LPO: variants seen among roughly 807,000 people sequenced by gnomAD.
LPO encodes the protein salivary peroxidase.
Under a neutral mutation model 68.4 loss-of-function variants are expected in LPO, and 70 were observed. The observed-to-expected ratio is 1.02, with a 90% CI of 0.84 to 1.25. The LOEUF is 1.25. Ranked by LOEUF, LPO falls within the 50% of genes most tolerant of loss-of-function variation. The pLI is 0.00. For synonymous variants in LPO, 360 were observed against 357.6 expected, an observed-to-expected ratio of 1.01 and a Z score of -0.08; for missense variants, 873 against 908.4, an observed-to-expected ratio of 0.96 and a Z score of 0.50.
At chr17:58,239,679 C>T (rs530916869) in intron 1 of LPO, among the ~76,000 whole-genome samples, 2 of 152,032 alleles carry the variant, frequency 1.3e-5, no homozygotes, top group Non-Finnish European at 2.9e-5. Flanking sequence ...GACTGCTCAG[C>T]GACATTGAGA....
intron 1 of LPO, among the ~76,000 whole-genome samples, chr17:58,239,389 G>C (rs952171930): frequency 2.0e-5 from 3 of 151,344 alleles, no homozygotes; most frequent in Non-Finnish European, 2.9e-5. Context: ...GGAATGGGGT[G>C]GTTAAATTAT....
chr17:58,250,419 G>A lies in LPO; in HGVS notation c.578G>A (p.Arg193Gln), dbSNP rs928003387. 5.6e-6 allele frequency: 9 copies of A among 1,613,828 alleles called. No individual in the cohort carries two copies. Among genetic ancestry groups the A allele is most frequent in the African/African-American group, 5.3e-5 (4 of 74,900 alleles). ...TRNGFPLPLA[R>Q]EVSNKIVGYL... ...CCCTTCTCTCTCCATCTGTAGGCCC[G>A]GGAGGTATCTAACAAGATTGTTGGC... Residue 193 changes from arginine (R) to glutamine (Q), a missense_variant, in exon 7 of 13, where the codon CGG (arginine) becomes CAG (glutamine). Transcript: ENST00000262290.
intron 3 of LPO, among the ~76,000 whole-genome samples, chr17:58,246,725 C>G (rs1342034366): frequency 1.3e-5 from 2 of 152,196 alleles, no homozygotes; most frequent in Non-Finnish European, 2.9e-5. Flanking sequence ...TGGGACCCGG[C>G]TGATGGAGAC....
Position 58,267,071 on chromosome 17 carries a change from T to G in LPO, c.1694-278T>G, listed in dbSNP as rs1188201966. On this transcript the variant is annotated intron_variant, in intron 11 of 12. Coordinates refer to ENST00000262290, the MANE Select transcript of LPO (RefSeq NM_006151.3). ...TGGGCAAATTACTTAACATTTCTAT[T>G]CTTCATTTACTTATTTGCACAGTGC... 3.9e-5 allele frequency among the ~76,000 whole-genome samples: 6 copies of G among 152,360 alleles called. No individual in the cohort carries two copies. The South Asian group carries it at 1.0e-3, about 26-fold the overall frequency.
At chr17:58,263,669 G>T (rs1434201002) in intron 9 of LPO, among the ~76,000 whole-genome samples, 2 of 152,126 alleles carry the variant, frequency 1.3e-5, no homozygotes, top group Non-Finnish European at 2.9e-5. Context: ...AAATCAGGGA[G>T]GTCAAGGCTA....
intron 8 of LPO, 140 bp from the exon 9 acceptor site, chr17:58,254,671 C>A: frequency 2.8e-6 from 2 of 722,706 alleles, no homozygotes; most frequent in Non-Finnish European, 4.5e-6. Context: ...CATCCCTATT[C>A]ACCTGACGGG....
At chr17:58,243,571 G>T (rs573755708) in intron 2 of LPO, 2 of 243,146 alleles carry the variant, frequency 8.2e-6, no homozygotes, top group East Asian at 2.2e-4. Flanking sequence ...AGGGAACAGG[G>T]AATCCCACCA....
Position 58,244,088 on chromosome 17 carries a change from GAGACACACACACACACAC to G in LPO, c.164+9_164+26del. ...TCCTGGACTCCCGAACCAGGTACGTGAGACACACACACACACACACACACACACACACACACACACACA... is the reference window on the plus strand; with the variant it reads ...TCCTGGACTCCCGAACCAGGTACGTGACACACACACACACACACACACACA... On this transcript the variant is annotated splice_region_variant and intron_variant, in intron 3 of 12. Transcript: ENST00000262290. 8.3e-6 allele frequency: 12 copies of G among 1,454,496 alleles called. No homozygotes were observed. Among genetic ancestry groups the G allele is most frequent in the African/African-American group, 1.9e-5 (1 of 53,688 alleles). 90.1% of individuals were successfully genotyped at this position (1,454,496 alleles called of 1,614,324 possible). A position where few individuals can be genotyped will look rare whatever the true frequency, so the allele number is the denominator to read the frequency against.
chr17:58,253,022 C>CAAAAAAAAAAAAAAAAAAA (rs765890765), intron 8 of LPO, among the ~76,000 whole-genome samples: 2 of 31,094 alleles, frequency 6.4e-5, no homozygotes, highest in Non-Finnish European at 1.1e-4. Flanking sequence ...GACTCCATCT[C>CAAAAAAAAAAAAAAAAAAA]AAAAAAAAAA....
At chr17:58,253,535 T>G (rs1330621398) in intron 8 of LPO, among the ~76,000 whole-genome samples, 1 of 152,228 alleles carries the variant, frequency 6.6e-6, no homozygotes, top group Non-Finnish European at 1.5e-5. Context: ...CCATTCAGCC[T>G]GTGCACGACC....
At chr17:58,243,197 C>T in intron 2 of LPO, 142 bp downstream of exon 2, 1 of 739,512 alleles carries the variant, frequency 1.4e-6, no homozygotes. Context: ...GCTGTGCTCC[C>T]TCTGAAGGCT....
At chr17:58,263,263 A>G (rs1970204900) in intron 9 of LPO, among the ~76,000 whole-genome samples, 1 of 152,196 alleles carries the variant, frequency 6.6e-6, no homozygotes, top group South Asian at 2.1e-4. Context: ...GCATTTTTAT[A>G]ATGGCTGCTT....
At chr17:58,243,204 G>A in intron 2 of LPO, 149 bp downstream of exon 2, 1 of 716,964 alleles carries the variant, frequency 1.4e-6, no homozygotes, top group Non-Finnish European at 2.4e-6. Context: ...TCCCTCTGAA[G>A]GCTCTAGGGA....
chr17:58,266,690 C>G (rs1970274444), intron 11 of LPO, among the ~76,000 whole-genome samples: 2 of 152,008 alleles, frequency 1.3e-5, no homozygotes, highest in Non-Finnish European at 2.9e-5. Flanking sequence ...CTCCTGGGCT[C>G]AAGCAATCTC....
At chr17:58,247,440 A>G in intron 3 of LPO, 38 bp from the exon 4 acceptor site, 1 of 1,581,718 alleles carries the variant, frequency 6.3e-7, no homozygotes. Flanking sequence ...CCCTTCCTAC[A>G]GGGTCCAGGC....
chr17:58,267,287 C>T, intron 11 of LPO, 62 bp from the exon 12 acceptor site: 6 of 1,347,690 alleles, frequency 4.5e-6, no homozygotes, highest in Non-Finnish European at 6.3e-6. Context: ...TGGACATGGC[C>T]CCAAAGGAGG....
intron 9 of LPO, among the ~76,000 whole-genome samples, chr17:58,258,591 T>A (rs1437970618): frequency 6.6e-6 from 1 of 152,240 alleles, no homozygotes; most frequent in Non-Finnish European, 1.5e-5. Context: ...TCTGGTTTTG[T>A]TCTTTTTGCT....
intron 3 of LPO, 68 bp downstream of exon 3, chr17:58,244,149 C>T: frequency 7.6e-7 from 1 of 1,311,056 alleles, no homozygotes; most frequent in Admixed American, 1.8e-5. Flanking sequence ...TCACAGGCTT[C>T]CTGTTCATGA....
chr17:58,251,811 C>T (rs6503856), intron 7 of LPO: 8,162 of 540,024 alleles, frequency 0.015, 521 homozygotes, highest in African/African-American at 0.14. Context: ...ATTCCTGGCA[C>T]ATGGTAAGTC....
Sources: gnomAD v4.1 joint callset for allele counts (sites outside exome capture counted in the v4.1 genomes callset) on GRCh38, gnomAD v4.1.1 for gene constraint, MANE v1.5 for transcripts, NCBI Gene and HGNC (gene_info 2026-07-23, HGNC 2026-07-21) for gene names.